Variants in SMAGP observed in about 807,000 individuals in gnomAD.
SMAGP encodes the protein small cell adhesion glycoprotein.
A neutral mutation model predicts 10.1 loss-of-function variants in SMAGP; 7 were observed. The observed-to-expected ratio is 0.70, with a 90% CI of 0.40 to 1.31. The LOEUF (loss-of-function observed/expected upper bound fraction) is 1.31. SMAGP is among the 50% of genes most tolerant of loss of function. The probability of loss-of-function intolerance (pLI) is 0.01; values close to 1 mark genes in which losing one functional copy is unlikely to be tolerated. For missense variants in SMAGP, 113 were observed against 116.5 expected (o/e 0.97, Z 0.14); for synonymous variants, 49 against 47.2 (o/e 1.04, Z -0.16).
chr12:51,270,324 G>T lies in SMAGP; in HGVS notation c.-107C>A, dbSNP rs73307788. ...CGCGCGTCCTTTTGAACTCAACGGG[G>T]GCGGGCACCGCGGAGTCGCGGAGGC... On this transcript the variant is annotated 5_prime_UTR_variant, in exon 1 of 4. Transcript: ENST00000603798. 204 of 168,230 alleles carry T rather than the reference G, an allele frequency of 1.2e-3. No individual in the cohort carries two copies. Among genetic ancestry groups the T allele is most frequent in the African/African-American group, 4.7e-3 (198 of 42,348 alleles). 10.4% of individuals were successfully genotyped at this position (168,230 alleles called of 1,614,324 possible).
intron 2 of SMAGP, among the ~76,000 whole-genome samples, chr12:51,261,932 TA>T (rs142814908): frequency 0.045 from 6,520 of 146,100 alleles, 404 homozygotes; most frequent in African/African-American, 0.14. Flanking sequence ...CATCTTTGTT[TA>T]AAAAAAAAAA....
At chr12:51,254,846 T>C (rs1252703488) in intron 2 of SMAGP, among the ~76,000 whole-genome samples, 1 of 152,110 alleles carries the variant, frequency 6.6e-6, no homozygotes, top group Non-Finnish European at 1.5e-5. Flanking sequence ...GGGCCAGGCA[T>C]GCTTGGCCTG....
chr12:51,258,921 A>C (rs1452067551), intron 2 of SMAGP, among the ~76,000 whole-genome samples: 1 of 140,940 alleles, frequency 7.1e-6, no homozygotes, highest in Non-Finnish European at 1.5e-5. Context: ...CTGAGGCAGG[A>C]GGACTGCTTG....
At chr12:51,259,706 AT>A (rs1283224497) in intron 2 of SMAGP, among the ~76,000 whole-genome samples, 5 of 152,056 alleles carry the variant, frequency 3.3e-5, no homozygotes, top group Non-Finnish European at 2.9e-5. Context: ...ATTCCCAATG[AT>A]TTTAATTTTC....
intron 2 of SMAGP, among the ~76,000 whole-genome samples, chr12:51,268,256 C>T (rs555752772): frequency 1.1e-4 from 16 of 150,852 alleles, no homozygotes; most frequent in Non-Finnish European, 1.5e-4. Flanking sequence ...TAATAACCAA[C>T]GTGACTGAGT....
At chr12:51,250,389 AAATT>A (rs767612894) in intron 2 of SMAGP, among the ~76,000 whole-genome samples, 2 of 152,096 alleles carry the variant, frequency 1.3e-5, no homozygotes, top group Admixed American at 6.6e-5. Context: ...TCAAAAAAAT[AAATT>A]AATTAAAGGG....
At chr12:51,270,144 G>A (rs1456756543) in intron 1 of SMAGP, 112 bp downstream of exon 1, 2 of 152,192 alleles carry the variant, frequency 1.3e-5, no homozygotes, top group Non-Finnish European at 2.9e-5. Flanking sequence ...CTGCCCCAGC[G>A]GAGCGCTGAG....
Position 51,262,891 on chromosome 12 carries a change from C to T in SMAGP, c.34+6354G>A, listed in dbSNP as rs576757963. 4.6e-5 allele frequency among the ~76,000 whole-genome samples: 7 copies of T among 152,300 alleles called. No homozygotes were observed. In the South Asian group the frequency reaches 8.3e-4, roughly 18 times the overall value. Reference sequence around the variant, plus strand: ...ACCTGCCCAGCAGAGGGCGGCTCCCCGAGTTCTTTCCATGGGAAGCCACCC... The same window carrying T: ...ACCTGCCCAGCAGAGGGCGGCTCCCTGAGTTCTTTCCATGGGAAGCCACCC... On this transcript the variant is annotated intron_variant, in intron 2 of 3. Coordinates refer to ENST00000603798, the MANE Select transcript of SMAGP (RefSeq NM_001031628.2).
intron 2 of SMAGP, among the ~76,000 whole-genome samples, chr12:51,256,994 T>C (rs1944891341): frequency 6.6e-6 from 1 of 152,010 alleles, no homozygotes; most frequent in Admixed American, 6.6e-5. Context: ...GGTGAAGTGC[T>C]GGATACAAAC....
intron 2 of SMAGP, among the ~76,000 whole-genome samples, chr12:51,252,835 A>ATT (rs11441886): frequency 5.9e-5 from 9 of 151,820 alleles, no homozygotes; most frequent in Non-Finnish European, 1.2e-4. Context: ...AAAGAGAATC[A>ATT]TTTTTTTGCA....
intron 2 of SMAGP, among the ~76,000 whole-genome samples, chr12:51,254,545 TAA>T (rs1004241269): frequency 6.8e-6 from 1 of 147,728 alleles, no homozygotes; most frequent in Admixed American, 6.8e-5. Flanking sequence ...AGACTCCATC[TAA>T]AAAAAAAAGT....
intron 2 of SMAGP, among the ~76,000 whole-genome samples, chr12:51,253,868 T>C (rs767874587): frequency 6.6e-6 from 1 of 152,072 alleles, no homozygotes; most frequent in Non-Finnish European, 1.5e-5. Flanking sequence ...ATCATGCCAC[T>C]GCACTCCAGC....
chr12:51,268,566 C>CT (rs1944996991), intron 2 of SMAGP, among the ~76,000 whole-genome samples: 6 of 104,978 alleles, frequency 5.7e-5, no homozygotes, highest in Non-Finnish European at 8.5e-5. Context: ...TCCTTCCTTC[C>CT]TTCCTTCCTT....
chr12:51,256,782 A>T (rs1342082533), intron 2 of SMAGP, among the ~76,000 whole-genome samples: 1 of 54,966 alleles, frequency 1.8e-5, no homozygotes, highest in Non-Finnish European at 4.8e-5. Context: ...CCCACCCAAA[A>T]AAAGATATAT....
chr12:51,256,786 G>GAT (rs10660613), intron 2 of SMAGP, among the ~76,000 whole-genome samples: 121,054 of 145,546 alleles, frequency 0.83, 50,721 homozygotes, highest in Middle Eastern at 0.91. Flanking sequence ...CCCAAAAAAA[G>GAT]ATATATATAT....
chr12:51,257,026 A>G (rs1944891468), intron 2 of SMAGP, among the ~76,000 whole-genome samples: 1 of 152,182 alleles, frequency 6.6e-6, no homozygotes, highest in South Asian at 2.1e-4. Flanking sequence ...GGTGGGTTCA[A>G]GGAAGAAATG....
chr12:51,261,477 G>T (rs1195224398), intron 2 of SMAGP, among the ~76,000 whole-genome samples: 1 of 152,070 alleles, frequency 6.6e-6, no homozygotes, highest in African/African-American at 2.4e-5. Flanking sequence ...AAAAAAAAGG[G>T]AGCCTAGAGC....
intron 2 of SMAGP, 92 bp downstream of exon 2, chr12:51,269,152 CT>C: frequency 1.4e-6 from 2 of 1,409,696 alleles, no homozygotes; most frequent in Non-Finnish European, 2.0e-6. Flanking sequence ...AGGTGGGAGT[CT>C]TCCCACCTGG....
intron 3 of SMAGP, chr12:51,246,359 T>G (rs767473204): frequency 2.4e-5 from 13 of 535,058 alleles, no homozygotes; most frequent in African/African-American, 2.1e-4. Context: ...AAAACTGAAC[T>G]GCCTCCCAAA....
Sources: allele counts gnomAD v4.1 joint callset (sites outside exome capture counted in the v4.1 genomes callset), GRCh38; gene constraint gnomAD v4.1.1; transcripts MANE v1.5; gene names NCBI Gene and HGNC (gene_info 2026-07-23, HGNC 2026-07-21).